Variants in HECW2 observed in about 807,000 individuals in gnomAD.
HECW2 encodes the protein E3 ubiquitin-protein ligase HECW2.
HECW2 carries 61 observed loss-of-function variants against 175.2 expected under a neutral mutation model. That is an observed-to-expected ratio of 0.35 (90% confidence interval 0.28 to 0.43). The LOEUF (loss-of-function observed/expected upper bound fraction) is 0.43. Ranked by LOEUF, HECW2 falls within the 20% of genes least tolerant of loss-of-function variation. The pLI is 1.00. For missense variants in HECW2, 1,524 were observed against 2,000.5 expected (o/e 0.76, Z 4.54); for synonymous variants, 671 against 731.0 (o/e 0.92, Z 1.32).
intron 3 of HECW2, among the ~76,000 whole-genome samples, chr2:196,335,876 G>C (rs1692532253): frequency 6.6e-6 from 1 of 152,200 alleles, no homozygotes; most frequent in Non-Finnish European, 1.5e-5. Context: ...ATCAAGGAAA[G>C]GTTTCTGGTC....
intron 2 of HECW2, among the ~76,000 whole-genome samples, chr2:196,353,935 C>T (rs148262998): frequency 1.4e-3 from 214 of 152,306 alleles, no homozygotes; most frequent in African/African-American, 4.9e-3. Flanking sequence ...AGCTGTTTCA[C>T]TGCTCAGTAT....
chr2:196,520,238 C>T (rs527389529), intron 1 of HECW2, among the ~76,000 whole-genome samples: 22 of 149,932 alleles, frequency 1.5e-4, no homozygotes, highest in Non-Finnish European at 2.4e-4. Context: ...ATTATATTTG[C>T]AATTTTTCTG....
chr2:196,321,644 C>T (rs765870726), intron 7 of HECW2, among the ~76,000 whole-genome samples: 1 of 152,082 alleles, frequency 6.6e-6, no homozygotes, highest in Admixed American at 6.5e-5. Flanking sequence ...GGGTGATCTG[C>T]CCACCTCGTC....
chr2:196,367,860 G>T (rs942254745), intron 2 of HECW2, among the ~76,000 whole-genome samples: 13 of 151,270 alleles, frequency 8.6e-5, no homozygotes, highest in Non-Finnish European at 1.6e-4. Flanking sequence ...TCCATTGTGT[G>T]TGTGTGTGTG....
chr2:196,493,725 A>G (rs1256590829), intron 1 of HECW2, among the ~76,000 whole-genome samples: 2 of 152,226 alleles, frequency 1.3e-5, no homozygotes, highest in East Asian at 1.9e-4. Context: ...AATGCTTTTC[A>G]AAAAGCAAAT....
At chr2:196,290,943 C>T (rs1690580321) in intron 14 of HECW2, 1 of 152,160 alleles carries the variant, frequency 6.6e-6, no homozygotes. Context: ...CTAATCTTCT[C>T]TTGGCTGGGA....
chr2:196,395,782 G>A (rs1575497477), intron 2 of HECW2, among the ~76,000 whole-genome samples: 1 of 151,774 alleles, frequency 6.6e-6, no homozygotes, highest in East Asian at 1.9e-4. Context: ...ATTGCTGGTA[G>A]AATGTGAAAT....
At chr2:196,335,124 A>G (rs1275755404) in intron 3 of HECW2, among the ~76,000 whole-genome samples, 2 of 152,238 alleles carry the variant, frequency 1.3e-5, no homozygotes, top group Non-Finnish European at 2.9e-5. Flanking sequence ...TTAATTTTCC[A>G]AGTCATTTAA....
chr2:196,310,471 C>T (rs1691452302), intron 10 of HECW2, among the ~76,000 whole-genome samples: 1 of 152,208 alleles, frequency 6.6e-6, no homozygotes, highest in Non-Finnish European at 1.5e-5. Context: ...TCTACCCAGG[C>T]AAAGGCAGCA....
chr2:196,450,148 C>T (rs142261676), intron 1 of HECW2, among the ~76,000 whole-genome samples: 1 of 152,200 alleles, frequency 6.6e-6, no homozygotes, highest in Non-Finnish European at 1.5e-5. Context: ...GCCCTTTTTG[C>T]GTTGCAGAGT....
At chr2:196,468,705 A>G (rs1031416922) in intron 1 of HECW2, among the ~76,000 whole-genome samples, 3 of 152,132 alleles carry the variant, frequency 2.0e-5, no homozygotes, top group Non-Finnish European at 4.4e-5. Context: ...GATTTTCCAC[A>G]TGAATGAAGG....
At chr2:196,398,689 C>CA (rs529638653) in intron 2 of HECW2, among the ~76,000 whole-genome samples, 2 of 152,174 alleles carry the variant, frequency 1.3e-5, no homozygotes, top group Non-Finnish European at 2.9e-5. Context: ...AATCATATGC[C>CA]ACTGCATGTA....
At chr2:196,294,809 C>T (rs1223585897) in intron 13 of HECW2, among the ~76,000 whole-genome samples, 1 of 152,156 alleles carries the variant, frequency 6.6e-6, no homozygotes, top group Non-Finnish European at 1.5e-5. Flanking sequence ...AACAGGGATG[C>T]TCCCCAGCCT....
intron 2 of HECW2, among the ~76,000 whole-genome samples, chr2:196,364,501 G>A (rs1693690875): frequency 6.6e-6 from 1 of 152,148 alleles, no homozygotes. Context: ...TATATCCAGA[G>A]TATCATAATT....
chr2:196,302,150 T>C (rs1691087340), intron 13 of HECW2, among the ~76,000 whole-genome samples: 1 of 152,208 alleles, frequency 6.6e-6, no homozygotes, highest in Admixed American at 6.5e-5. Flanking sequence ...AATCAATCCT[T>C]TCCCCAATGC....
At position 196,527,964 on chromosome 2, in the gene HECW2, T is replaced by G. The variant is rs1057135785; in HGVS notation, c.-36+65544A>C. Among the ~76,000 whole-genome samples, 98 of 152,224 alleles carry G rather than the reference T, an allele frequency of 6.4e-4. 4 individuals are homozygous for G. The highest frequency in any genetic ancestry group is 1.2e-4 in the Non-Finnish European group (8 of 68,040). ...CCACATTTTAAAAATACAATGATAA[T>G]GATTCCTTAATTTCTTGTTCATAAA... On this transcript the variant is annotated intron_variant, in intron 1 of 28. Transcript: ENST00000644978.
chr2:196,265,814 G>C (rs922936523), intron 17 of HECW2, among the ~76,000 whole-genome samples: 2 of 152,168 alleles, frequency 1.3e-5, no homozygotes, highest in Admixed American at 6.5e-5. Context: ...TTACAGACGA[G>C]GATGACAACT....
At position 196,194,176 on chromosome 2, in the gene HECW2, A is replaced by T. The variant is rs1178715990; in HGVS notation, c.*7101T>A. On this transcript the variant is annotated 3_prime_UTR_variant, in exon 29 of 29. Coordinates refer to ENST00000644978, the MANE Select transcript of HECW2 (RefSeq NM_001348768.2). Reference sequence around the variant, plus strand: ...GGGATAAACAAAGTAGATTCCAAACAAAATAAACAAATATTTTATTAATAA... The same window carrying T: ...GGGATAAACAAAGTAGATTCCAAACTAAATAAACAAATATTTTATTAATAA... The T allele has an allele frequency of 6.6e-6, 1 of 151,902 alleles. No individual in the cohort carries two copies. The highest frequency in any genetic ancestry group is 1.5e-5 in the Non-Finnish European group (1 of 67,956). The allele number at this position is 151,902 out of a possible 1,614,324, so 9.4% of individuals were successfully genotyped here.
At chr2:196,323,649 C>A (rs1376821467) in intron 6 of HECW2, among the ~76,000 whole-genome samples, 1 of 152,168 alleles carries the variant, frequency 6.6e-6, no homozygotes, top group Non-Finnish European at 1.5e-5. Context: ...AATAGCTAGT[C>A]CCATAAACAC....
Sources: allele counts gnomAD v4.1 joint callset (sites outside exome capture counted in the v4.1 genomes callset), GRCh38; gene constraint gnomAD v4.1.1; transcripts MANE v1.5; gene names NCBI Gene and HGNC (gene_info 2026-07-23, HGNC 2026-07-21).